The following STT3B variants were observed in gnomAD, a reference collection of about 807,000 sequenced individuals.
STT3B encodes the protein STT3 oligosaccharyltransferase complex catalytic subunit B, also known as dolichyl-diphosphooligosaccharide--protein glycosyltransferase subunit STT3B.
A neutral mutation model predicts 96.8 loss-of-function variants in STT3B; 29 were observed. The observed-to-expected ratio is 0.30, with a 90% CI of 0.22 to 0.41. STT3B has a LOEUF of 0.41. Among genes scored for constraint, STT3B ranks in the 10% least tolerant of loss-of-function variants. The pLI is 1.00. For missense variants in STT3B, 640 were observed against 1,022.3 expected (o/e 0.63, Z 5.10); for synonymous variants, 367 against 360.0 (o/e 1.02, Z -0.22).
chr3:31,605,043 G>T (rs1471019594), intron 5 of STT3B, among the ~76,000 whole-genome samples: 1 of 151,962 alleles, frequency 6.6e-6, no homozygotes, highest in African/African-American at 2.4e-5. Flanking sequence ...AATAATAGAT[G>T]AACACAAAAA....
chr3:31,546,008 C>A (rs1302801435), intron 1 of STT3B, among the ~76,000 whole-genome samples: 2 of 152,086 alleles, frequency 1.3e-5, no homozygotes. Context: ...TCCTCTTTGA[C>A]TTTCATTTAT....
intron 5 of STT3B, among the ~76,000 whole-genome samples, chr3:31,608,342 C>G (rs1699104355): frequency 6.6e-6 from 1 of 152,130 alleles, no homozygotes; most frequent in Non-Finnish European, 1.5e-5. Context: ...ATGGGATTTT[C>G]CTTAGATCGG....
chr3:31,561,143 T>G (rs1228872418), intron 1 of STT3B, among the ~76,000 whole-genome samples: 1 of 152,170 alleles, frequency 6.6e-6, no homozygotes, highest in East Asian at 1.9e-4. Flanking sequence ...CTCATTCATA[T>G]CCTGAATTGT....
chr3:31,549,917 A>C (rs1192703636), intron 1 of STT3B, among the ~76,000 whole-genome samples: 1 of 152,188 alleles, frequency 6.6e-6, no homozygotes, highest in Non-Finnish European at 1.5e-5. Flanking sequence ...TAGCTGAGCA[A>C]AGTGTCACCG....
At chr3:31,599,140 G>C (rs967371817) in intron 4 of STT3B, among the ~76,000 whole-genome samples, 4 of 152,092 alleles carry the variant, frequency 2.6e-5, no homozygotes, top group Non-Finnish European at 4.4e-5. Context: ...GGTTTCTTAA[G>C]ATTGGGGTTC....
chr3:31,602,365 CTGT>C (rs938732380), intron 5 of STT3B, among the ~76,000 whole-genome samples: 24 of 151,564 alleles, frequency 1.6e-4, no homozygotes, highest in South Asian at 4.2e-4. Context: ...GTTGTTGCTG[CTGT>C]TGTTGTTGTT....
chr3:31,628,819 T>C (rs7632629), intron 13 of STT3B, among the ~76,000 whole-genome samples: 2,609 of 152,210 alleles, frequency 0.017, 75 homozygotes, highest in African/African-American at 0.06. Flanking sequence ...CCAGTCTCTT[T>C]AAATTATGAA....
chr3:31,568,018 C>G (rs1164018788), intron 1 of STT3B, among the ~76,000 whole-genome samples: 1 of 151,876 alleles, frequency 6.6e-6, no homozygotes, highest in East Asian at 1.9e-4. Context: ...CCACCCTTCC[C>G]AGCCTCTGGT....
Position 31,622,383 on chromosome 3 carries a change from A to C in STT3B, c.1539+75A>C, listed in dbSNP as rs965392186. On this transcript the variant is annotated intron_variant, in intron 10 of 15. Transcript: ENST00000295770. ...TTTTCCACCACAGTAAGAACTATACATATCAAGAAATGTTATTAAATGATG... is the reference window on the plus strand; with the variant it reads ...TTTTCCACCACAGTAAGAACTATACCTATCAAGAAATGTTATTAAATGATG... 1.0e-5 allele frequency: 12 copies of C among 1,191,322 alleles called. No individual in the cohort carries two copies. In the African/African-American group the frequency reaches 1.7e-4, roughly 17 times the overall value. 73.8% of individuals were successfully genotyped at this position (1,191,322 alleles called of 1,614,324 possible).
intron 1 of STT3B, among the ~76,000 whole-genome samples, chr3:31,561,701 A>G (rs1697883421): frequency 6.6e-6 from 1 of 151,984 alleles, no homozygotes; most frequent in African/African-American, 2.4e-5. Flanking sequence ...GAGGTGTATC[A>G]TATTTTCTTT....
chr3:31,608,698 C>T (rs918436675), intron 5 of STT3B, among the ~76,000 whole-genome samples: 1 of 152,194 alleles, frequency 6.6e-6, no homozygotes, highest in Admixed American at 6.5e-5. Context: ...GTCTATTCTT[C>T]TCATTGAGAA....
chr3:31,593,279 T>A (rs144792561), intron 3 of STT3B, among the ~76,000 whole-genome samples: 1 of 152,206 alleles, frequency 6.6e-6, no homozygotes, highest in Non-Finnish European at 1.5e-5. Flanking sequence ...GAGTATGTCA[T>A]TCCACTGCCT....
intron 2 of STT3B, among the ~76,000 whole-genome samples, chr3:31,576,881 A>G (rs1018167422): frequency 2.6e-5 from 4 of 152,172 alleles, no homozygotes; most frequent in African/African-American, 7.2e-5. Context: ...TATATCTAGA[A>G]TAATCAGATA....
chr3:31,620,089 A>C, intron 9 of STT3B: 1 of 622,448 alleles, frequency 1.6e-6, no homozygotes, highest in South Asian at 2.1e-5. Flanking sequence ...AGCCTGGCCA[A>C]CATGGTGAAA....
intron 5 of STT3B, among the ~76,000 whole-genome samples, chr3:31,604,069 T>C (rs78053355): frequency 0.044 from 6,656 of 152,242 alleles, 376 homozygotes; most frequent in East Asian, 0.32. Flanking sequence ...ATTTCTAATA[T>C]TGATGAATGC....
At position 31,562,488 on chromosome 3, in the gene STT3B, T is replaced by C. The variant is rs1697904143; in HGVS notation, c.315-13908T>C. The stretch of plus-strand genomic sequence containing the variant: ...ACTTGCTTTGGTGGGGGTATGGAGC[T>C]AGCTGGGTGGACCGGCTGGCAGTGG... On this transcript the variant is annotated intron_variant, in intron 1 of 15. Transcript: ENST00000295770. 2.6e-5 allele frequency among the ~76,000 whole-genome samples: 4 copies of C among 152,086 alleles called. No individual in the cohort carries two copies. The South Asian group carries it at 8.3e-4, about 32-fold the overall frequency.
chr3:31,533,412 G>A, intron 1 of STT3B, 100 bp downstream of exon 1: 1 of 1,276,232 alleles, frequency 7.8e-7, no homozygotes, highest in Non-Finnish European at 9.9e-7. Flanking sequence ...CCGCGCCGCC[G>A]CGGAGCCCCG....
chr3:31,626,375 G>A (rs949417431), intron 13 of STT3B, among the ~76,000 whole-genome samples: 2 of 152,144 alleles, frequency 1.3e-5, no homozygotes, highest in East Asian at 3.9e-4. Flanking sequence ...TTACTTTTAC[G>A]TCTCTTCACA....
intron 4 of STT3B, among the ~76,000 whole-genome samples, chr3:31,597,770 AATG>A (rs1698824423): frequency 6.6e-6 from 1 of 151,780 alleles, no homozygotes; most frequent in East Asian, 1.9e-4. Flanking sequence ...TTAACTTTTT[AATG>A]ACTTAAATTT....
Sources: gnomAD v4.1 joint callset for allele counts (sites outside exome capture counted in the v4.1 genomes callset) on GRCh38, gnomAD v4.1.1 for gene constraint, MANE v1.5 for transcripts, NCBI Gene and HGNC (gene_info 2026-07-23, HGNC 2026-07-21) for gene names.